The following HUNK variants were observed in gnomAD, a reference collection of about 807,000 sequenced individuals.
The protein encoded by HUNK is hormonally up-regulated neu tumor-associated kinase.
A neutral mutation model predicts 61.0 loss-of-function variants in HUNK; 21 were observed. The ratio of observed to expected loss-of-function variants is 0.34; its 90% confidence interval spans 0.24 to 0.50. The LOEUF (loss-of-function observed/expected upper bound fraction) is 0.50, where lower values mean the gene tolerates loss of function less well. HUNK is among the 20% of genes least tolerant of loss of function. The pLI is 0.98. For missense variants in HUNK, 772 were observed against 945.7 expected, an observed-to-expected ratio of 0.82 and a Z score of 2.41; for synonymous variants, 371 against 386.1, an observed-to-expected ratio of 0.96 and a Z score of 0.46.
intron 4 of HUNK, among the ~76,000 whole-genome samples, chr21:31,951,284 G>A (rs2052848162): frequency 6.6e-6 from 1 of 151,908 alleles, no homozygotes; most frequent in Middle Eastern, 3.4e-3. Flanking sequence ...ATTCATTCTG[G>A]TGCATTGAAC....
rs78570750 is a variant in HUNK at position 31,968,455 on chromosome 21, G to A, written c.1010+70G>A. The A allele has an allele frequency of 6.7e-5, 106 of 1,571,812 alleles. No individual in the cohort carries two copies. In the East Asian group the frequency reaches 1.9e-3, roughly 29 times the overall value. On this transcript the variant is annotated intron_variant, in intron 6 of 10. Coordinates refer to ENST00000270112, the MANE Select transcript of HUNK (RefSeq NM_014586.2). ...TGTCCTACTAGCCCTGAGCAGTTCC[G>A]GACAGAAAGCTGTCCGTGATTGAAG...
chr21:31,993,947 T>C (rs370799414), intron 9 of HUNK, among the ~76,000 whole-genome samples: 181 of 152,290 alleles, frequency 1.2e-3, no homozygotes, highest in African/African-American at 4.2e-3. Context: ...CTGACCCTGC[T>C]GCAGGCTCTG....
chr21:31,938,270 ACTTCTCT>A (rs1255795775), intron 2 of HUNK, among the ~76,000 whole-genome samples: 4 of 152,080 alleles, frequency 2.6e-5, no homozygotes, highest in Non-Finnish European at 5.9e-5. Context: ...CCCCCGCACC[ACTTCTCT>A]GCCCTCACCT....
At chr21:31,915,962 T>C (rs1039054372) in intron 1 of HUNK, among the ~76,000 whole-genome samples, 1 of 152,042 alleles carries the variant, frequency 6.6e-6, no homozygotes, top group African/African-American at 2.4e-5. Flanking sequence ...GGTTGATTCA[T>C]TGAAAGTAAA....
chr21:31,998,838 C>T lies in HUNK; in HGVS notation c.1799C>T (p.Ser600Phe), dbSNP rs1179092064. Residue 600 changes from serine (S) to phenylalanine (F), a missense_variant, in exon 11 of 11, where the codon TCC becomes TTC. Ser to Phe is a radical substitution (Grantham distance 155). Around this residue, in one of 2 missense-constraint regions of HUNK, gnomAD observed 413 missense variants for 444.4 expected, o/e 0.93. Transcript: ENST00000270112. ...AGAAATTCCAGCGAGAGGACGCTGT[C>T]CCCGGGTCTGCCATCCGGAAGCATG... Reference protein sequence around the residue: ...ARRNSSERTLSPGLPSGSMSP... With the variant: ...ARRNSSERTLFPGLPSGSMSP... 6.2e-7 allele frequency: 1 copy of T among 1,614,070 alleles called. No homozygotes were observed. Among genetic ancestry groups the T allele is most frequent in the East Asian group, 2.2e-5 (1 of 44,860 alleles).
chr21:31,968,753 T>TGTGTGTGTGTGTGA (rs1292780745), intron 6 of HUNK, among the ~76,000 whole-genome samples: 1 of 115,548 alleles, frequency 8.7e-6, no homozygotes, highest in Non-Finnish European at 2.0e-5. Flanking sequence ...TGTGTGTGTG[T>TGTGTGTGTGTGTGA]GAGAGAGAGA....
At chr21:31,892,178 TATAGAGAGAG>T (rs760892251) in intron 1 of HUNK, among the ~76,000 whole-genome samples, 1,196 of 103,938 alleles carry the variant, frequency 0.012, 11 homozygotes, top group East Asian at 0.023. Flanking sequence ...TATATATATA[TATAGAGAGAG>T]AGAGAGAGAG....
intron 3 of HUNK, among the ~76,000 whole-genome samples, chr21:31,945,078 T>A (rs980265260): frequency 6.6e-6 from 1 of 152,206 alleles, no homozygotes. Flanking sequence ...ACTGGAAGCC[T>A]GTCTCTGCCT....
chr21:31,922,619 G>T (rs1310291513), intron 1 of HUNK, among the ~76,000 whole-genome samples: 1 of 152,194 alleles, frequency 6.6e-6, no homozygotes, highest in Non-Finnish European at 1.5e-5. Flanking sequence ...GAGCCACCAC[G>T]CCCGGCCTCT....
intron 1 of HUNK, among the ~76,000 whole-genome samples, chr21:31,899,133 T>C (rs1041937851): frequency 2.6e-5 from 4 of 151,944 alleles, no homozygotes; most frequent in Admixed American, 2.6e-4. Flanking sequence ...GGCAACGACT[T>C]CCTGCTGCAC....
chr21:31,954,162 T>G (rs1166767541), intron 4 of HUNK, among the ~76,000 whole-genome samples: 1 of 152,156 alleles, frequency 6.6e-6, no homozygotes, highest in Non-Finnish European at 1.5e-5. Flanking sequence ...CAAACCCCTT[T>G]AGTGGGGTTG....
At chr21:31,960,652 G>A (rs1312404422) in intron 5 of HUNK, among the ~76,000 whole-genome samples, 1 of 152,186 alleles carries the variant, frequency 6.6e-6, no homozygotes, top group Non-Finnish European at 1.5e-5. Context: ...ATCTTAGATG[G>A]TGGCAGGGAA....
intron 5 of HUNK, among the ~76,000 whole-genome samples, chr21:31,963,866 T>G (rs1442623178): frequency 1.3e-5 from 2 of 152,176 alleles, no homozygotes; most frequent in East Asian, 3.9e-4. Flanking sequence ...GTTGGAAGAA[T>G]TTTTACCAAA....
At chr21:31,905,076 TAA>T (rs11351717) in intron 1 of HUNK, among the ~76,000 whole-genome samples, 448 of 144,876 alleles carry the variant, frequency 3.1e-3, no homozygotes, top group Middle Eastern at 3.5e-3. Context: ...AGACTGTGTC[TAA>T]AAAAAAAAAA....
At chr21:31,943,348 C>CT (rs1328787768) in intron 3 of HUNK, among the ~76,000 whole-genome samples, 2 of 152,076 alleles carry the variant, frequency 1.3e-5, no homozygotes, top group Non-Finnish European at 2.9e-5. Context: ...AACAGGTTCA[C>CT]TTGGGCGTTT....
At chr21:31,967,365 T>A (rs569904572) in intron 5 of HUNK, among the ~76,000 whole-genome samples, 1 of 152,086 alleles carries the variant, frequency 6.6e-6, no homozygotes, top group East Asian at 1.9e-4. Context: ...ATATAAAAAA[T>A]AATGAATAAA....
rs2052237520 is a variant in HUNK, at chr21:31,873,994, C to G, written c.261+59C>G. On this transcript the variant is annotated intron_variant, in intron 1 of 10. Transcript: ENST00000270112. This position sits in a 1 kb window ranked among gnomAD's most constrained non-coding sequence, Gnocchi z 6.1. ...AGGGGCGGGAGTCGGCGGCCAGGAC[C>G]CCGCGGGGAGCACTGCACTGGGAGT... 7.6e-7 allele frequency: 1 copy of G among 1,323,106 alleles called. No individual in the cohort carries two copies. The highest frequency in any genetic ancestry group is 9.9e-7 in the Non-Finnish European group (1 of 1,012,026). 82.0% of individuals were successfully genotyped at this position (1,323,106 alleles called of 1,614,324 possible). A position where few individuals can be genotyped will look rare whatever the true frequency, so the allele number is the denominator to read the frequency against.
chr21:31,911,748 G>A lies in HUNK; in HGVS notation c.262-12720G>A, dbSNP rs775039406. ...GGCATGTCAGGAATTTTAGGGGGGC[G>A]TGTGGGGGCTGGTGGTGAAGAATGA... On this transcript the variant is annotated intron_variant, in intron 1 of 10. Coordinates refer to ENST00000270112, the MANE Select transcript of HUNK (RefSeq NM_014586.2). Among the ~76,000 whole-genome samples, 71 of 152,096 alleles carry A rather than the reference G, an allele frequency of 4.7e-4. 1 individual carries two copies. The highest frequency in any genetic ancestry group is 8.9e-4 in the African/African-American group (37 of 41,500).
chr21:31,929,349 C>G (rs965126731), intron 2 of HUNK, among the ~76,000 whole-genome samples: 1 of 151,830 alleles, frequency 6.6e-6, no homozygotes, highest in Non-Finnish European at 1.5e-5. Context: ...GCCTCTGTGT[C>G]TAGGGCTGTT....
Sources: allele counts gnomAD v4.1 joint callset (sites outside exome capture counted in the v4.1 genomes callset), GRCh38; gene constraint gnomAD v4.1.1; regional missense constraint gnomAD v4.1.1; non-coding constraint Gnocchi (gnomAD v3.1); transcripts MANE v1.5; gene names NCBI Gene and HGNC (gene_info 2026-07-23, HGNC 2026-07-21).